Variants in TMEM39B observed in about 807,000 individuals in gnomAD.
TMEM39B encodes transmembrane protein 39B.
In TMEM39B, 23 loss-of-function variants were observed where a neutral mutation model predicts 52.2. That is an observed-to-expected ratio of 0.44 (90% CI 0.32 to 0.62). The LOEUF (loss-of-function observed/expected upper bound fraction) is 0.62, where lower values mean the gene tolerates loss of function less well. Among genes scored for constraint, TMEM39B ranks in the 20% least tolerant of loss-of-function variants. The probability of loss-of-function intolerance (pLI) is 0.06; values close to 1 mark genes in which losing one functional copy is unlikely to be tolerated. For synonymous variants in TMEM39B, 285 were observed against 264.0 expected (o/e 1.08, Z -0.77); for missense variants, 547 against 642.0 (o/e 0.85, Z 1.60).
intron 7 of TMEM39B, among the ~76,000 whole-genome samples, chr1:32,097,591 A>T (rs1334415972): frequency 6.6e-6 from 1 of 152,020 alleles, no homozygotes; most frequent in African/African-American, 2.4e-5. Flanking sequence ...CAGCCTCCCA[A>T]AGTGGAACTG....
intron 1 of TMEM39B, 196 bp downstream of exon 1, chr1:32,073,247 G>A: frequency 1.5e-6 from 1 of 659,260 alleles, no homozygotes; most frequent in Non-Finnish European, 2.3e-6. Flanking sequence ...ACATTGGACG[G>A]TGGGCGGGGC....
chr1:32,076,813 G>C lies in TMEM39B; in HGVS notation c.402G>C (p.Leu134=). 4 of 1,614,020 alleles carry C rather than the reference G, an allele frequency of 2.5e-6. No individual in the cohort carries two copies. In the Admixed American group the frequency reaches 5.0e-5, roughly 20 times the overall value. The part of the protein sequence containing the change: ...FNLLMVTTIV[L]GRRFIGSIVK... ...TGCTGATGGTGACCACCATCGTTCT[G>C]GGCCGCCGCTTCATTGGGTCCATCG... Residue 134 remains leucine (L), a synonymous_variant, in exon 4 of 9, where the codon CTG becomes CTC. Transcript: ENST00000336294.
intron 8 of TMEM39B, among the ~76,000 whole-genome samples, chr1:32,102,208 A>G (rs1641043311): frequency 6.6e-6 from 1 of 152,152 alleles, no homozygotes; most frequent in Admixed American, 6.5e-5. Flanking sequence ...ACAGGATCTT[A>G]GATGACTTAC....
At chr1:32,077,830 A>T (rs1292842470) in intron 5 of TMEM39B, among the ~76,000 whole-genome samples, 1 of 152,082 alleles carries the variant, frequency 6.6e-6, no homozygotes, top group African/African-American at 2.4e-5. Context: ...GCATGTGTGT[A>T]TGCCTTTGTG....
intron 5 of TMEM39B, among the ~76,000 whole-genome samples, chr1:32,079,593 T>G (rs946222390): frequency 6.6e-6 from 1 of 151,872 alleles, no homozygotes; most frequent in African/African-American, 2.4e-5. Context: ...TGCAGGCACC[T>G]CATCGGCATA....
Position 32,075,680 on chromosome 1 carries a change from C to T in TMEM39B, c.209C>T (p.Pro70Leu). Residue 70 changes from proline to leucine, a missense_variant, in exon 3 of 9, where the codon CCC (proline) becomes CTC (leucine). Transcript: ENST00000336294. Reference protein sequence around the residue: ...TVVPLQHCKIPELPVQASILF... With the variant: ...TVVPLQHCKILELPVQASILF... ...GTGCCTCTACAGCACTGCAAGATCC[C>T]CGAGCTGCCAGTCCAGGCCAGCATT... 1 of 1,551,736 alleles carries T rather than the reference C, an allele frequency of 6.4e-7. No individual in the cohort carries two copies. The highest frequency in any genetic ancestry group is 1.2e-5 in the South Asian group (1 of 84,060).
chr1:32,102,820 T>G lies in TMEM39B; in HGVS notation c.*147T>G. The G allele has an allele frequency of 1.1e-6, 1 of 928,604 alleles. No homozygotes were observed. Among genetic ancestry groups the G allele is most frequent in the Admixed American group, 3.6e-5 (1 of 27,488 alleles). 57.5% of individuals were successfully genotyped at this position (928,604 alleles called of 1,614,324 possible). On this transcript the variant is annotated 3_prime_UTR_variant, in exon 9 of 9. Transcript: ENST00000336294. ...TTTTTGTTACGTACTGTTTCTTTGA[T>G]AATTGATGTGATAAGGAAAAAAGTC... is the stretch of plus-strand genomic sequence containing the variant.
chr1:32,078,535 G>A (rs1639960254), intron 5 of TMEM39B, among the ~76,000 whole-genome samples: 2 of 151,854 alleles, frequency 1.3e-5, no homozygotes, highest in Non-Finnish European at 2.9e-5. Flanking sequence ...CTTTACAGAA[G>A]CTTTTAACAT....
Position 32,077,218 on chromosome 1 carries a change from C to G in TMEM39B, c.490C>G (p.Arg164Gly). 6.2e-7 allele frequency: 1 copy of G among 1,614,156 alleles called. No homozygotes were observed. The highest frequency in any genetic ancestry group is 8.5e-7 in the Non-Finnish European group (1 of 1,180,032). Residue 164 changes from arginine to glycine, a missense_variant, in exon 5 of 9, where the codon CGC (arginine) becomes GGC (glycine). Coordinates refer to ENST00000336294, the MANE Select transcript of TMEM39B (RefSeq NM_018056.4). ...LFRSILLFLT[R>G]FTVLTATGWS... ...TCGCTCCATCCTGCTGTTCCTCACTCGCTTCACCGTTCTCACGGCAACAGG... is the reference window on the plus strand; with the variant it reads ...TCGCTCCATCCTGCTGTTCCTCACTGGCTTCACCGTTCTCACGGCAACAGG...
Position 32,075,490 on chromosome 1 carries a change from C to T in TMEM39B, c.132-113C>T, listed in dbSNP as rs116528081. 6.0e-5 allele frequency: 67 copies of T among 1,109,244 alleles called. 1 individual carries two copies. Among genetic ancestry groups the T allele is most frequent in the Admixed American group, 2.5e-4 (10 of 40,254 alleles). The allele number at this position is 1,109,244 out of a possible 1,614,324, so 68.7% of individuals were successfully genotyped here. On this transcript the variant is annotated intron_variant, in intron 2 of 8. Coordinates refer to ENST00000336294, the MANE Select transcript of TMEM39B (RefSeq NM_018056.4). Reference sequence around the variant, plus strand: ...CTGACAAGCAGGATTAGGAAGACCCCGTCCTTGCTATGAGCTGCTTTTCTG... The same window carrying T: ...CTGACAAGCAGGATTAGGAAGACCCTGTCCTTGCTATGAGCTGCTTTTCTG...
At chr1:32,087,129 A>G (rs1017706758) in intron 5 of TMEM39B, 6 of 152,060 alleles carry the variant, frequency 3.9e-5, no homozygotes, top group African/African-American at 1.4e-4. Flanking sequence ...AAAGTAAAAC[A>G]TCTCAAAATA....
At chr1:32,093,399 CTTTTTTT>C (rs34793281) in intron 6 of TMEM39B, among the ~76,000 whole-genome samples, 231 of 50,334 alleles carry the variant, frequency 4.6e-3, no homozygotes, top group African/African-American at 0.012. Context: ...AAGCCCGGCC[CTTTTTTT>C]TTTTTTTTTT....
intron 5 of TMEM39B, among the ~76,000 whole-genome samples, chr1:32,084,626 A>G (rs1053384246): frequency 5.3e-5 from 8 of 151,760 alleles, no homozygotes; most frequent in Admixed American, 1.3e-4. Context: ...GTGGAGTGCA[A>G]TGACACGATC....
chr1:32,089,131 ATT>A (rs746806785), intron 5 of TMEM39B, among the ~76,000 whole-genome samples: 46 of 130,172 alleles, frequency 3.5e-4, no homozygotes, highest in Admixed American at 5.6e-4. Context: ...AGAGCTGGGA[ATT>A]TTTTTTTTTT....
At chr1:32,093,078 C>T (rs1640669434) in intron 6 of TMEM39B, among the ~76,000 whole-genome samples, 1 of 152,164 alleles carries the variant, frequency 6.6e-6, no homozygotes, top group South Asian at 2.1e-4. Flanking sequence ...CAGCTGCAAG[C>T]TGCAGTGGGC....
rs982928033 is a variant in TMEM39B at position 32,077,465 on chromosome 1, C to T, written c.590+147C>T. 8.7e-5 allele frequency: 93 copies of T among 1,068,740 alleles called. 1 individual carries two copies. The highest frequency in any genetic ancestry group is 5.1e-5 in the Admixed American group (2 of 39,028). 66.2% of individuals were successfully genotyped at this position (1,068,740 alleles called of 1,614,324 possible). Reference sequence around the variant, plus strand: ...CACATTGTCAGATGACACTCACTCACTGAGGTCAGGATAATTAGCCTTTTT... The same window carrying T: ...CACATTGTCAGATGACACTCACTCATTGAGGTCAGGATAATTAGCCTTTTT... On this transcript the variant is annotated intron_variant, in intron 5 of 8. Transcript: ENST00000336294.
At chr1:32,100,401 GT>G (rs772203048) in intron 7 of TMEM39B, 40 bp from the exon 8 acceptor site, 26 of 1,516,876 alleles carry the variant, frequency 1.7e-5, no homozygotes, top group Non-Finnish European at 2.3e-5. Context: ...CCTTTTGTGG[GT>G]GAGCTGGGGA....
In TMEM39B at chr1:32,075,627, C is replaced by A. The variant is rs1353633707; in HGVS notation, c.156C>A (p.Ser52=). ...RTRSSSGTGL[S]SPPLATQTVV... ...GGAGCAGTTCTGGAACAGGCCTCTC[C>A]AGCCCTCCTCTGGCCACCCAAACTG... The change falls in exon 3 of 9, where the codon TCC becomes TCA. Residue 52 remains serine (S), a synonymous_variant. Transcript: ENST00000336294. The A allele has an allele frequency of 6.4e-7, 1 of 1,551,392 alleles. No individual in the cohort carries two copies. The highest frequency in any genetic ancestry group is 1.4e-5 in the African/African-American group (1 of 73,024).
At chr1:32,088,510 C>T (rs1388684939) in intron 5 of TMEM39B, among the ~76,000 whole-genome samples, 1 of 151,854 alleles carries the variant, frequency 6.6e-6, no homozygotes, top group Non-Finnish European at 1.5e-5. Flanking sequence ...ATCATGTCTC[C>T]ATCTGCTTTC....
Sources: allele counts gnomAD v4.1 joint callset (sites outside exome capture counted in the v4.1 genomes callset), GRCh38; gene constraint gnomAD v4.1.1; transcripts MANE v1.5; gene names NCBI Gene and HGNC (gene_info 2026-07-23, HGNC 2026-07-21).